The following GRIA1 variants were observed in gnomAD, a reference collection of about 807,000 sequenced individuals.
GRIA1 encodes the protein glutamate receptor 1.
A neutral mutation model predicts 99.2 loss-of-function variants in GRIA1; 31 were observed. That is an observed-to-expected ratio of 0.31 (90% CI 0.23 to 0.42). The LOEUF is 0.42. GRIA1 is among the 10% of genes least tolerant of loss of function. The pLI is 1.00. For synonymous variants in GRIA1, 438 were observed against 432.4 expected, an observed-to-expected ratio of 1.01 and a Z score of -0.16; for missense variants, 782 against 1,157.5, an observed-to-expected ratio of 0.68 and a Z score of 4.71.
At chr5:153,659,622 G>A (rs1241527514) in intron 5 of GRIA1, among the ~76,000 whole-genome samples, 1 of 152,212 alleles carries the variant, frequency 6.6e-6, no homozygotes, top group African/African-American at 2.4e-5. Context: ...GTGGACCTCT[G>A]TAGTGTTTCT....
chr5:153,789,965 G>C (rs556900810), intron 13 of GRIA1, among the ~76,000 whole-genome samples: 1 of 152,336 alleles, frequency 6.6e-6, no homozygotes, highest in South Asian at 2.1e-4. Context: ...TAGTCCATTT[G>C]ATAATTCTGA....
chr5:153,547,260 C>T (rs1759695098), intron 2 of GRIA1, among the ~76,000 whole-genome samples: 1 of 152,080 alleles, frequency 6.6e-6, no homozygotes, highest in Non-Finnish European at 1.5e-5. Context: ...CAATGCAGCC[C>T]AGAGAAGCCA....
At chr5:153,722,842 C>G (rs1338347331) in intron 11 of GRIA1, among the ~76,000 whole-genome samples, 1 of 152,152 alleles carries the variant, frequency 6.6e-6, no homozygotes, top group Admixed American at 6.5e-5. Flanking sequence ...CTGTGAGATA[C>G]TATGATTCTG....
intron 2 of GRIA1, among the ~76,000 whole-genome samples, chr5:153,616,461 G>A (rs939889829): frequency 6.8e-6 from 1 of 146,846 alleles, no homozygotes; most frequent in Non-Finnish European, 1.5e-5. Context: ...CAACATCAAT[G>A]ATGAGCTAAA....
chr5:153,674,939 C>G (rs1756457863), intron 6 of GRIA1, among the ~76,000 whole-genome samples: 1 of 152,132 alleles, frequency 6.6e-6, no homozygotes, highest in African/African-American at 2.4e-5. Context: ...TTATCAAATA[C>G]CCAGGCTTCT....
At chr5:153,551,517 T>C (rs1581216915) in intron 2 of GRIA1, among the ~76,000 whole-genome samples, 1 of 152,194 alleles carries the variant, frequency 6.6e-6, no homozygotes, top group Admixed American at 6.6e-5. Context: ...CCAGTTTGGA[T>C]GGGATTTCGA....
chr5:153,491,269 G>A (rs915950530), intron 1 of GRIA1: 3 of 1,324,712 alleles, frequency 2.3e-6, no homozygotes, highest in East Asian at 3.0e-5. Flanking sequence ...GGCTGGAAAG[G>A]GTGGTGGGTG....
intron 11 of GRIA1, among the ~76,000 whole-genome samples, chr5:153,762,376 G>A (rs1242401844): frequency 1.3e-5 from 2 of 152,126 alleles, no homozygotes; most frequent in African/African-American, 4.8e-5. Context: ...CCAGAGTTGG[G>A]AAAGCTGCTG....
At chr5:153,801,217 C>G (rs1451740663) in intron 14 of GRIA1, among the ~76,000 whole-genome samples, 1 of 151,928 alleles carries the variant, frequency 6.6e-6, no homozygotes, top group Non-Finnish European at 1.5e-5. Context: ...AAGGTGTTGT[C>G]CCTCAGACCT....
chr5:153,649,565 C>A (rs1754400142), intron 3 of GRIA1, among the ~76,000 whole-genome samples: 1 of 152,172 alleles, frequency 6.6e-6, no homozygotes, highest in Admixed American at 6.5e-5. Context: ...TCAAGCAATT[C>A]TCCTGCCTCA....
At chr5:153,687,403 T>G (rs1418146234) in intron 8 of GRIA1, among the ~76,000 whole-genome samples, 1 of 152,094 alleles carries the variant, frequency 6.6e-6, no homozygotes, top group Non-Finnish European at 1.5e-5. Flanking sequence ...CATGCCAACC[T>G]CATAGGGTCA....
At chr5:153,810,076 C>T (rs540423375) in intron 15 of GRIA1, among the ~76,000 whole-genome samples, 43 of 152,318 alleles carry the variant, frequency 2.8e-4, no homozygotes, top group Non-Finnish European at 5.9e-4. Context: ...CTCAACAGAA[C>T]GCTTCCTCTT....
chr5:153,770,469 G>A, intron 13 of GRIA1, 54 bp downstream of exon 13: 1 of 1,549,498 alleles, frequency 6.5e-7, no homozygotes, highest in Non-Finnish European at 8.8e-7. Flanking sequence ...CCTATCTCAG[G>A]AATGAAGCTT....
chr5:153,698,827 C>A, intron 9 of GRIA1, 40 bp from the exon 10 acceptor site: 2 of 1,350,370 alleles, frequency 1.5e-6, no homozygotes, highest in Non-Finnish European at 2.1e-6. Flanking sequence ...ATGGGTGAAC[C>A]CATAACCCAC....
intron 2 of GRIA1, among the ~76,000 whole-genome samples, chr5:153,497,460 C>T (rs1326643711): frequency 6.6e-6 from 1 of 152,122 alleles, no homozygotes; most frequent in Non-Finnish European, 1.5e-5. Flanking sequence ...TACTGAATGC[C>T]TACTTCATGC....
At chr5:153,517,524 G>A (rs1335113470) in intron 2 of GRIA1, among the ~76,000 whole-genome samples, 2 of 152,162 alleles carry the variant, frequency 1.3e-5, no homozygotes, top group Admixed American at 6.5e-5. Flanking sequence ...AAACAGACAT[G>A]AGATATGGGC....
intron 11 of GRIA1, among the ~76,000 whole-genome samples, chr5:153,755,102 T>G (rs1409373523): frequency 6.6e-6 from 1 of 152,198 alleles, no homozygotes; most frequent in East Asian, 1.9e-4. Flanking sequence ...ATGACCAGAG[T>G]ACAGCAAGTA....
intron 2 of GRIA1, among the ~76,000 whole-genome samples, chr5:153,546,490 T>C (rs1759631203): frequency 6.6e-6 from 1 of 152,196 alleles, no homozygotes; most frequent in Non-Finnish European, 1.5e-5. Flanking sequence ...TTTATGCTTA[T>C]TATAATGTAA....
Position 153,700,586 on chromosome 5 carries a change from G to A in GRIA1, c.1452+1513G>A, listed in dbSNP as rs181867095. On this transcript the variant is annotated intron_variant, in intron 10 of 15. Transcript: ENST00000285900. The stretch of plus-strand genomic sequence containing the variant: ...AGAGGAAGAGTGTGGATGATTCAGT[G>A]GGCATTGGGAGATCACGAAGGTATT... 7.8e-4 allele frequency among the ~76,000 whole-genome samples: 119 copies of A among 152,106 alleles called. 1 individual carries two copies. The highest frequency in any genetic ancestry group is 3.4e-3 in the Middle Eastern group (1 of 294).
Sources: allele counts gnomAD v4.1 joint callset (sites outside exome capture counted in the v4.1 genomes callset), GRCh38; gene constraint gnomAD v4.1.1; transcripts MANE v1.5; gene names NCBI Gene and HGNC (gene_info 2026-07-23, HGNC 2026-07-21).